SPTLC2: variants seen among roughly 807,000 people sequenced by gnomAD.
SPTLC2 encodes the protein serine palmitoyltransferase long chain base subunit 2.
SPTLC2 carries 21 observed loss-of-function variants against 62.0 expected under a neutral mutation model. The observed-to-expected ratio is 0.34, with a 90% confidence interval of 0.24 to 0.49. The LOEUF (loss-of-function observed/expected upper bound fraction) is 0.49. Ranked by LOEUF, SPTLC2 falls within the 20% of genes least tolerant of loss-of-function variation. SPTLC2 has a pLI of 0.99. For missense variants in SPTLC2, 511 were observed against 713.0 expected (o/e 0.72, Z 3.23); for synonymous variants, 261 against 261.8 (o/e 1.00, Z 0.03).
chr14:77,598,742 G>T (rs929656875), intron 1 of SPTLC2, among the ~76,000 whole-genome samples: 20 of 152,054 alleles, frequency 1.3e-4, no homozygotes, highest in Middle Eastern at 3.2e-3. Context: ...GACCAGCCTG[G>T]GCACATGGCA....
At chr14:77,541,627 T>C (rs976150856) in intron 9 of SPTLC2, among the ~76,000 whole-genome samples, 3 of 152,166 alleles carry the variant, frequency 2.0e-5, no homozygotes, top group African/African-American at 7.2e-5. Flanking sequence ...AAATGATCAA[T>C]GGTCACTTTC....
At chr14:77,531,591 G>A (rs1398554397) in intron 9 of SPTLC2, among the ~76,000 whole-genome samples, 1 of 150,428 alleles carries the variant, frequency 6.6e-6, no homozygotes, top group Non-Finnish European at 1.5e-5. Context: ...TCGGTCCACC[G>A]CAACCTCCAC....
chr14:77,529,253 CTTTTTTTT>C (rs67561245), intron 9 of SPTLC2, among the ~76,000 whole-genome samples: 3 of 122,134 alleles, frequency 2.5e-5, no homozygotes, highest in African/African-American at 8.5e-5. Flanking sequence ...AAAACTTCTT[CTTTTTTTT>C]TTTTTTTTTT....
chr14:77,596,940 C>A (rs1050978440), intron 2 of SPTLC2, among the ~76,000 whole-genome samples: 2 of 152,160 alleles, frequency 1.3e-5, no homozygotes, highest in Non-Finnish European at 2.9e-5. Flanking sequence ...GATTTCTAAT[C>A]CATAAAACAG....
intron 9 of SPTLC2, among the ~76,000 whole-genome samples, chr14:77,522,227 G>A (rs2079388115): frequency 6.6e-6 from 1 of 151,620 alleles, no homozygotes; most frequent in Admixed American, 6.6e-5. Context: ...GCAACGGCAC[G>A]ATCTTGGCTC....
intron 9 of SPTLC2, among the ~76,000 whole-genome samples, chr14:77,525,021 GATA>G (rs768967965): frequency 5.8e-4 from 89 of 152,292 alleles, no homozygotes; most frequent in African/African-American, 2.0e-3. Flanking sequence ...ACACAGAAAT[GATA>G]ATGTTTGCGG....
intron 1 of SPTLC2, among the ~76,000 whole-genome samples, chr14:77,600,741 G>A (rs1013017634): frequency 2.0e-5 from 3 of 152,076 alleles, no homozygotes; most frequent in Admixed American, 6.5e-5. Context: ...ATGTTTGCTT[G>A]AACAGTAATA....
chr14:77,557,588 A>G (rs2079591613), intron 6 of SPTLC2, among the ~76,000 whole-genome samples: 1 of 152,254 alleles, frequency 6.6e-6, no homozygotes, highest in Non-Finnish European at 1.5e-5. Context: ...TCCTAAAAAA[A>G]CAAACGCAAG....
intron 1 of SPTLC2, among the ~76,000 whole-genome samples, chr14:77,614,558 G>A (rs1407513489): frequency 6.6e-6 from 1 of 152,078 alleles, no homozygotes; most frequent in African/African-American, 2.4e-5. Flanking sequence ...CAGCTACTTG[G>A]GAGGCTGAGG....
chr14:77,536,608 G>GC (rs1178417151), intron 9 of SPTLC2, among the ~76,000 whole-genome samples: 8 of 151,994 alleles, frequency 5.3e-5, no homozygotes, highest in Non-Finnish European at 1.2e-4. Flanking sequence ...AGTCCTTCCA[G>GC]CCTATAGGCC....
intron 9 of SPTLC2, among the ~76,000 whole-genome samples, chr14:77,538,155 G>A (rs1330746113): frequency 6.6e-6 from 1 of 152,074 alleles, no homozygotes; most frequent in Non-Finnish European, 1.5e-5. Flanking sequence ...TACCCTCTAC[G>A]ATGCTATGAA....
chr14:77,554,849 T>C (rs141492108), intron 8 of SPTLC2: 53 of 226,500 alleles, frequency 2.3e-4, no homozygotes, highest in African/African-American at 1.1e-3. Flanking sequence ...TACAATGCTT[T>C]GTAGTACCCC....
chr14:77,595,622 A>T (rs2079842584), intron 2 of SPTLC2, among the ~76,000 whole-genome samples: 1 of 152,186 alleles, frequency 6.6e-6, no homozygotes, highest in Non-Finnish European at 1.5e-5. Context: ...GCCACTTTTG[A>T]ATCCATGTAT....
intron 1 of SPTLC2, among the ~76,000 whole-genome samples, chr14:77,603,824 T>C (rs1158117813): frequency 6.6e-6 from 1 of 152,262 alleles, no homozygotes; most frequent in African/African-American, 2.4e-5. Context: ...GTTATCACAC[T>C]GGCCACCCAA....
rs758307159 is a variant in SPTLC2, at chr14:77,552,072, T to C, written c.1303+24A>G. 9 of 1,613,378 alleles carry C rather than the reference T, an allele frequency of 5.6e-6. No homozygotes were observed. The East Asian group carries it at 1.8e-4, about 32-fold the overall frequency. On this transcript the variant is annotated intron_variant, in intron 9 of 11. Transcript: ENST00000216484. The stretch of plus-strand genomic sequence containing the variant: ...TTGGCTGCTAGGTGGACTTATGCAA[T>C]GTTTCAAGAAAAGAAAGACTTACCA...
At position 77,506,780 on chromosome 14, in the gene SPTLC2, G is replaced by A. The variant is rs1405064771; in HGVS notation, c.*5504C>T. 6.6e-6 allele frequency: 1 copy of A among 152,180 alleles called. No homozygotes were observed. Among genetic ancestry groups the A allele is most frequent in the Non-Finnish European group, 1.5e-5 (1 of 68,040 alleles). 9.4% of individuals were successfully genotyped at this position (152,180 alleles called of 1,614,324 possible). A position where few individuals can be genotyped will look rare whatever the true frequency, so the allele number is the denominator to read the frequency against. On this transcript the variant is annotated 3_prime_UTR_variant, in exon 12 of 12. Transcript: ENST00000216484. ...GAAGCATTCACTCATCCATGCAGAT[G>A]GCAACAAGGCAGGACACTCAGAAAG...
intron 5 of SPTLC2, among the ~76,000 whole-genome samples, chr14:77,564,171 G>A (rs1594992189): frequency 6.7e-6 from 1 of 148,714 alleles, no homozygotes; most frequent in East Asian, 2.0e-4. Context: ...AGGCAGTGAG[G>A]CAGTGAGCCG....
chr14:77,514,588 C>T (rs887096426), intron 11 of SPTLC2, among the ~76,000 whole-genome samples: 2 of 152,184 alleles, frequency 1.3e-5, no homozygotes, highest in African/African-American at 2.4e-5. Flanking sequence ...AGCCATCCTG[C>T]CGCTCCCCTG....
At chr14:77,598,365 C>A (rs889548939) in intron 1 of SPTLC2, among the ~76,000 whole-genome samples, 3 of 151,834 alleles carry the variant, frequency 2.0e-5, no homozygotes, top group African/African-American at 7.3e-5. Flanking sequence ...ATAAAAAAAG[C>A]AAAAAATATA....
Sources: gnomAD v4.1 joint callset for allele counts (sites outside exome capture counted in the v4.1 genomes callset) on GRCh38, gnomAD v4.1.1 for gene constraint, MANE v1.5 for transcripts, NCBI Gene and HGNC (gene_info 2026-07-23, HGNC 2026-07-21) for gene names.